DRC7: variants seen among roughly 807,000 people sequenced by gnomAD.
DRC7 encodes dynein regulatory complex subunit 7, also known as coiled-coil domain containing 135.
In DRC7, 80 loss-of-function variants were observed where a neutral mutation model predicts 104.4. That is an observed-to-expected ratio of 0.77 (90% CI 0.64 to 0.92). DRC7 has a LOEUF of 0.92. DRC7 is among the 40% of genes least tolerant of loss of function. DRC7 has a pLI of 0.00. For synonymous variants in DRC7, 405 were observed against 447.3 expected, an observed-to-expected ratio of 0.91 and a Z score of 1.19; for missense variants, 1,034 against 1,141.1, an observed-to-expected ratio of 0.91 and a Z score of 1.35.
chr16:57,711,773 T>C (rs4536466), intron 8 of DRC7, among the ~76,000 whole-genome samples: 62,873 of 152,040 alleles, frequency 0.41, 13,047 homozygotes, highest in East Asian at 0.44. Flanking sequence ...GGTTGGGGGA[T>C]GCCAGGGAAC....
chr16:57,728,429 A>G lies in DRC7; in HGVS notation c.2236A>G (p.Thr746Ala), dbSNP rs765272064. The G allele has an allele frequency of 1.2e-6, 2 of 1,609,250 alleles. No homozygotes were observed. Among genetic ancestry groups the G allele is most frequent in the South Asian group, 2.2e-5 (2 of 90,682 alleles). The change falls in exon 17 of 19, where the codon ACC becomes GCC. Residue 746 changes from threonine to alanine, a missense_variant. Thr to Ala is a moderately conservative substitution (Grantham distance 58). Coordinates refer to ENST00000360716, the MANE Select transcript of DRC7 (RefSeq NM_001289162.2). The part of the protein sequence containing the change: ...MHEEHLRQVE[T>A]QLDYLAPFLA... ...CGAAGAGCACCTGCGGCAGGTGGAGACCCAGCTGGACTACCTGGCCCCATT... is the reference window on the plus strand; with the variant it reads ...CGAAGAGCACCTGCGGCAGGTGGAGGCCCAGCTGGACTACCTGGCCCCATT...
intron 7 of DRC7, among the ~76,000 whole-genome samples, chr16:57,707,232 G>T (rs1289589875): frequency 6.6e-6 from 1 of 152,178 alleles, no homozygotes. Context: ...CAAAGAGTCC[G>T]ATTTGTAAAC....
chr16:57,731,311 G>T lies in DRC7; in HGVS notation c.*53G>T. 8.4e-6 allele frequency: 12 copies of T among 1,429,100 alleles called. No individual in the cohort carries two copies. Among genetic ancestry groups the T allele is most frequent in the South Asian group, 8.1e-5 (7 of 86,014 alleles). The allele number at this position is 1,429,100 out of a possible 1,614,324, so 88.5% of individuals were successfully genotyped here. A position where few individuals can be genotyped will look rare whatever the true frequency, so the allele number is the denominator to read the frequency against. ...TGCCAGAGAAAGGAAACCTCTTCCC[G>T]CAGCCTGGCTCCTGTGTTCCCTCTA... On this transcript the variant is annotated 3_prime_UTR_variant, in exon 19 of 19. Transcript: ENST00000360716.
Position 57,731,350 on chromosome 16 carries a change from TG to T in DRC7, c.*93del, listed in dbSNP as rs2049060301. ...GTGTTCCCTCTATCCAGCCAATGCCTGTTTACACAGACACCTGGCCTCACTG... is the reference window on the plus strand; with the variant it reads ...GTGTTCCCTCTATCCAGCCAATGCCTTTTACACAGACACCTGGCCTCACTG... On this transcript the variant is annotated 3_prime_UTR_variant, in exon 19 of 19. Coordinates refer to ENST00000360716, the MANE Select transcript of DRC7 (RefSeq NM_001289162.2). 1.0e-6 allele frequency: 1 copy of T among 973,058 alleles called. No individual in the cohort carries two copies. The highest frequency in any genetic ancestry group is 1.6e-5 in the African/African-American group (1 of 61,692). 60.3% of individuals were successfully genotyped at this position (973,058 alleles called of 1,614,324 possible). A position where few individuals can be genotyped will look rare whatever the true frequency, so the allele number is the denominator to read the frequency against.
At chr16:57,728,345 T>A in intron 16 of DRC7, 45 bp from the exon 17 acceptor site, 1 of 1,510,934 alleles carries the variant, frequency 6.6e-7, no homozygotes, top group Non-Finnish European at 8.9e-7. Flanking sequence ...TGGAGAGGTC[T>A]CTGTAGTTCC....
chr16:57,729,413 GATGA>G (rs2148777107), intron 17 of DRC7, among the ~76,000 whole-genome samples: 1 of 144,622 alleles, frequency 6.9e-6, no homozygotes, highest in Non-Finnish European at 1.5e-5. Flanking sequence ...CGGGTGGATG[GATGA>G]ATGGATGGAT....
At chr16:57,699,979 C>G (rs1201542926) in intron 4 of DRC7, among the ~76,000 whole-genome samples, 166 bp from the exon 5 acceptor site, 1 of 152,238 alleles carries the variant, frequency 6.6e-6, no homozygotes, top group Non-Finnish European at 1.5e-5. Context: ...ATCTGGGCAT[C>G]ACCTTCCCAG....
Position 57,701,933 on chromosome 16 carries a change from C to A in DRC7, c.505-3C>A, listed in dbSNP as rs1259673658. On this transcript the variant is annotated splice_polypyrimidine_tract_variant and splice_region_variant and intron_variant, in intron 5 of 18. Coordinates refer to ENST00000360716, the MANE Select transcript of DRC7 (RefSeq NM_001289162.2). The stretch of plus-strand genomic sequence containing the variant: ...GCTGTGCTGACCGTCCCACTGTGAC[C>A]AGCCCTCGCACCTGTACTCCTCGAC... The A allele has an allele frequency of 6.2e-7, 1 of 1,612,756 alleles. No homozygotes were observed. The highest frequency in any genetic ancestry group is 1.1e-5 in the South Asian group (1 of 91,010).
chr16:57,706,239 C>CTGT (rs2048724739), intron 7 of DRC7, among the ~76,000 whole-genome samples: 1 of 117,202 alleles, frequency 8.5e-6, no homozygotes, highest in East Asian at 3.1e-4. Context: ...CTCCCACCCA[C>CTGT]CCTCCCATCC....
At chr16:57,712,555 T>C (rs1213472433) in intron 8 of DRC7, among the ~76,000 whole-genome samples, 2 of 152,242 alleles carry the variant, frequency 1.3e-5, no homozygotes, top group Non-Finnish European at 2.9e-5. Flanking sequence ...TCTATCTCAT[T>C]GATGTCCACT....
At chr16:57,718,786 C>T (rs2048872634) in intron 9 of DRC7, among the ~76,000 whole-genome samples, 1 of 152,080 alleles carries the variant, frequency 6.6e-6, no homozygotes, top group Non-Finnish European at 1.5e-5. Context: ...AAGCATGTCC[C>T]TTGCCAGCCT....
At chr16:57,707,161 G>C (rs1284871359) in intron 7 of DRC7, among the ~76,000 whole-genome samples, 3 of 152,192 alleles carry the variant, frequency 2.0e-5, no homozygotes, top group African/African-American at 7.2e-5. Flanking sequence ...CCTTTCTGTG[G>C]ATGAAACCTC....
rs570191809 is a variant in DRC7 at position 57,722,704 on chromosome 16, T to C, written c.1280-9T>C. 10 of 1,613,420 alleles carry C rather than the reference T, an allele frequency of 6.2e-6. No homozygotes were observed. In the Admixed American group the frequency reaches 1.7e-4, roughly 27 times the overall value. On this transcript the variant is annotated splice_polypyrimidine_tract_variant and intron_variant, in intron 10 of 18. Transcript: ENST00000360716. ...AGCAAGAAGAGACCACAGCTGACTG[T>C]GTCCACAGCATTTGAGACCCGCTGC... is the stretch of plus-strand genomic sequence containing the variant.
At chr16:57,704,324 T>C (rs1361104442) in intron 6 of DRC7, among the ~76,000 whole-genome samples, 5 of 152,080 alleles carry the variant, frequency 3.3e-5, no homozygotes, top group Admixed American at 2.0e-4. Context: ...TGCAGTGCTC[T>C]TTCCTGGGAA....
At chr16:57,702,672 GTGCCT>G (rs1296465245) in intron 6 of DRC7, among the ~76,000 whole-genome samples, 32 of 152,248 alleles carry the variant, frequency 2.1e-4, no homozygotes, top group Admixed American at 1.4e-3. Flanking sequence ...ATGGTGGCAT[GTGCCT>G]GTAGTCCCAG....
At position 57,705,881 on chromosome 16, in the gene DRC7, T is replaced by G. The variant is rs566842253; in HGVS notation, c.858+847T>G. Among the ~76,000 whole-genome samples the G allele has an allele frequency of 3.9e-5, 5 of 128,414 alleles. No individual in the cohort carries two copies. In the East Asian group the frequency reaches 1.4e-3, roughly 36 times the overall value. 84.2% of individuals were successfully genotyped at this position (128,414 alleles called of 152,430 possible). A position where few individuals can be genotyped will look rare whatever the true frequency, so the allele number is the denominator to read the frequency against. On this transcript the variant is annotated intron_variant, in intron 7 of 18. Coordinates refer to ENST00000360716, the MANE Select transcript of DRC7 (RefSeq NM_001289162.2). The stretch of plus-strand genomic sequence containing the variant: ...TCCTACCCACTTATTCTCCCATCCA[T>G]CCATCATCCCACTCATCCTCCCATC...
rs372201071 is a variant in DRC7 at position 57,724,834 on chromosome 16, T to C, written c.1757T>C (p.Val586Ala). Residue 586 changes from valine (V) to alanine (A), a missense_variant and splice_region_variant, in exon 13 of 19, where the codon GTG becomes GCG. Transcript: ENST00000360716. ...GCAGAGTCAAACCCCCGGCCCATTG[T>C]GGTAAGAGCTCGCGGGGGCTGGGGA... ...SSAESNPRPIVKITERFFRNP... is the reference protein window; with the variant it reads ...SSAESNPRPIAKITERFFRNP... 1.4e-5 allele frequency: 23 copies of C among 1,611,818 alleles called. No individual in the cohort carries two copies. The African/African-American group carries it at 2.8e-4, about 20-fold the overall frequency.
Position 57,698,976 on chromosome 16 carries a change from G to A in DRC7, c.330G>A (p.Pro110=), listed in dbSNP as rs11648684. 109,745 of 1,614,112 alleles carry A rather than the reference G, an allele frequency of 0.068. 4,547 individuals carry two copies. Among genetic ancestry groups the A allele is most frequent in the African/African-American group, 0.17 (12,982 of 75,014 alleles). Residue 110 remains proline, a synonymous_variant, in exon 4 of 19, where the codon CCG becomes CCA. Coordinates refer to ENST00000360716, the MANE Select transcript of DRC7 (RefSeq NM_001289162.2). ...NFSRQYSHLC[P]DRVPLFLHPL... ...CCCGCCAGTACAGCCATCTGTGCCCGGACCGCGTGCCCCTCTTCCTGCACC... is the reference window on the plus strand; with the variant it reads ...CCCGCCAGTACAGCCATCTGTGCCCAGACCGCGTGCCCCTCTTCCTGCACC...
At chr16:57,726,754 G>T (rs753157272) in intron 14 of DRC7, 78 bp from the exon 15 acceptor site, 154 of 811,302 alleles carry the variant, frequency 1.9e-4, no homozygotes, top group Non-Finnish European at 3.1e-4. Flanking sequence ...AAAGTGGCAG[G>T]GGTAGATTTG....
Sources: gnomAD v4.1 joint callset for allele counts (sites outside exome capture counted in the v4.1 genomes callset) on GRCh38, gnomAD v4.1.1 for gene constraint, MANE v1.5 for transcripts, NCBI Gene and HGNC (gene_info 2026-07-23, HGNC 2026-07-21) for gene names.